Variants in GULP1 observed in about 807,000 individuals in gnomAD.
GULP1 encodes PTB domain-containing engulfment adapter protein 1.
A neutral mutation model predicts 40.9 loss-of-function variants in GULP1; 19 were observed. That is an observed-to-expected ratio of 0.46 (90% CI 0.32 to 0.68). The LOEUF is 0.68. Ranked by LOEUF, GULP1 falls within the 30% of genes least tolerant of loss-of-function variation. GULP1 has a pLI of 0.03. For synonymous variants in GULP1, 119 were observed against 117.6 expected (o/e 1.01, Z -0.08); for missense variants, 312 against 362.2 (o/e 0.86, Z 1.12).
chr2:188,594,019 A>G lies in GULP1; in HGVS notation c.*8A>G. 6.6e-7 allele frequency: 1 copy of G among 1,512,436 alleles called. No individual in the cohort carries two copies. The highest frequency in any genetic ancestry group is 9.2e-7 in the Non-Finnish European group (1 of 1,088,998). The allele number at this position is 1,512,436 out of a possible 1,614,324, so 93.7% of individuals were successfully genotyped here. On this transcript the variant is annotated 3_prime_UTR_variant, in exon 12 of 12. Transcript: ENST00000409830. The stretch of plus-strand genomic sequence containing the variant: ...TTAGACAGTAGGTGCTGACATCAAG[A>G]ACAAGAAATCCTGATTCATGTTAAA...
intron 2 of GULP1, among the ~76,000 whole-genome samples, chr2:188,448,719 T>A (rs1422821805): frequency 2.0e-5 from 3 of 152,164 alleles, no homozygotes. Context: ...TAATCCCCAA[T>A]TTTGGAGGTG....
chr2:188,299,697 A>G (rs1400472773), intron 1 of GULP1, among the ~76,000 whole-genome samples: 5 of 152,226 alleles, frequency 3.3e-5, no homozygotes, highest in African/African-American at 7.2e-5. Flanking sequence ...TGGTATTTCT[A>G]TATAATTCTG....
intron 2 of GULP1, among the ~76,000 whole-genome samples, chr2:188,462,493 A>G (rs374594960): frequency 2.1e-4 from 32 of 152,250 alleles, no homozygotes; most frequent in African/African-American, 7.2e-4. Flanking sequence ...CATCTGGAAG[A>G]TATTTCCAGT....
intron 1 of GULP1, among the ~76,000 whole-genome samples, chr2:188,344,796 C>G (rs2043407393): frequency 6.6e-6 from 1 of 152,098 alleles, no homozygotes; most frequent in Non-Finnish European, 1.5e-5. Flanking sequence ...TAAAACTGTA[C>G]TCATTGCAAA....
At chr2:188,571,888 A>G (rs2153435880) in intron 9 of GULP1, among the ~76,000 whole-genome samples, 1 of 152,318 alleles carries the variant, frequency 6.6e-6, no homozygotes, top group Non-Finnish European at 1.5e-5. Flanking sequence ...TTTTGTGTTG[A>G]CAAAGGAGTA....
chr2:188,593,007 T>C (rs1053326418), intron 11 of GULP1: 11 of 151,974 alleles, frequency 7.2e-5, no homozygotes, highest in African/African-American at 2.7e-4. Context: ...GTTCTGTTAG[T>C]AAGAAAAAAA....
At chr2:188,335,981 A>G (rs1445654190) in intron 1 of GULP1, among the ~76,000 whole-genome samples, 1 of 152,196 alleles carries the variant, frequency 6.6e-6, no homozygotes, top group Non-Finnish European at 1.5e-5. Flanking sequence ...AGATATGGAT[A>G]TCATTGTTCA....
intron 1 of GULP1, among the ~76,000 whole-genome samples, chr2:188,368,926 T>TAA: frequency 2.1e-5 from 1 of 48,558 alleles, no homozygotes; most frequent in African/African-American, 1.5e-4. Flanking sequence ...TATATATGTA[T>TAA]ATATATATGT....
chr2:188,360,076 G>T (rs2045891440), intron 1 of GULP1, among the ~76,000 whole-genome samples: 2 of 151,960 alleles, frequency 1.3e-5, no homozygotes, highest in African/African-American at 4.8e-5. Flanking sequence ...TTTCCCATTG[G>T]CAAGATGCTC....
chr2:188,330,812 C>T (rs1393862178), intron 1 of GULP1, among the ~76,000 whole-genome samples: 1 of 152,132 alleles, frequency 6.6e-6, no homozygotes, highest in Non-Finnish European at 1.5e-5. Flanking sequence ...ACTGGTGTTT[C>T]CACAGTTCCA....
rs539048030 is a variant in GULP1, at chr2:188,487,515, G to A, written c.90+4023G>A. Among the ~76,000 whole-genome samples the A allele has an allele frequency of 2.6e-5, 4 of 152,094 alleles. No homozygotes were observed. In the East Asian group the frequency reaches 5.8e-4, roughly 22 times the overall value. On this transcript the variant is annotated intron_variant, in intron 4 of 11. Coordinates refer to ENST00000409830, the MANE Select transcript of GULP1 (RefSeq NM_016315.4). ...CACCTTAAAAACTTATGACGTCCCT[G>A]TGGAGAGGAAACAGTCATATGAAAC...
intron 1 of GULP1, among the ~76,000 whole-genome samples, chr2:188,375,489 A>G (rs955423117): frequency 3.3e-5 from 5 of 152,186 alleles, no homozygotes; most frequent in African/African-American, 9.7e-5. Flanking sequence ...GAAATCAACC[A>G]CAGTTTCCTG....
intron 2 of GULP1, among the ~76,000 whole-genome samples, chr2:188,435,195 A>G (rs1291986273): frequency 6.6e-6 from 1 of 152,006 alleles, no homozygotes; most frequent in African/African-American, 2.4e-5. Flanking sequence ...TACCTTTAAT[A>G]TAAGACTTAG....
intron 1 of GULP1, among the ~76,000 whole-genome samples, chr2:188,361,132 G>A (rs1432160217): frequency 6.6e-6 from 1 of 152,076 alleles, no homozygotes; most frequent in Admixed American, 6.6e-5. Context: ...AATACGTTCT[G>A]CTTTGTAAAA....
chr2:188,563,997 A>G (rs1427500444), intron 7 of GULP1, among the ~76,000 whole-genome samples: 1 of 152,042 alleles, frequency 6.6e-6, no homozygotes, highest in Admixed American at 6.6e-5. Flanking sequence ...TCAACGTAAT[A>G]CAACATCTTA....
At chr2:188,428,071 C>G (rs1305106270) in intron 2 of GULP1, among the ~76,000 whole-genome samples, 1 of 152,202 alleles carries the variant, frequency 6.6e-6, no homozygotes, top group Non-Finnish European at 1.5e-5. Flanking sequence ...TATTTCAAAG[C>G]CTTAATATTT....
At position 188,319,382 on chromosome 2, in the gene GULP1, A is replaced by T. The variant is rs116468538; in HGVS notation, c.-172+27216A>T. Among the ~76,000 whole-genome samples the T allele has an allele frequency of 8.1e-3, 1,240 of 152,214 alleles. 28 individuals are homozygous for T. Among genetic ancestry groups the T allele is most frequent in the African/African-American group, 0.028 (1,160 of 41,546 alleles). ...TGCATTATTCCAGTACAAAATTTTG[A>T]CCATTTTCAGACTTGTACATCTTGA... On this transcript the variant is annotated intron_variant, in intron 1 of 11. Coordinates refer to ENST00000409830, the MANE Select transcript of GULP1 (RefSeq NM_016315.4).
chr2:188,467,846 A>G (rs2060253623), intron 2 of GULP1, among the ~76,000 whole-genome samples: 1 of 152,142 alleles, frequency 6.6e-6, no homozygotes, highest in Admixed American at 6.5e-5. Flanking sequence ...CGCTTTATGA[A>G]TTTCTCAGAG....
intron 9 of GULP1, among the ~76,000 whole-genome samples, chr2:188,575,435 G>A (rs573290943): frequency 2.6e-5 from 4 of 152,044 alleles, no homozygotes; most frequent in East Asian, 1.9e-4. Flanking sequence ...TAATAAACAC[G>A]TAAATATTTC....
Sources: gnomAD v4.1 joint callset for allele counts (sites outside exome capture counted in the v4.1 genomes callset) on GRCh38, gnomAD v4.1.1 for gene constraint, MANE v1.5 for transcripts, NCBI Gene and HGNC (gene_info 2026-07-23, HGNC 2026-07-21) for gene names.